Variants in RAB27B observed in about 807,000 individuals in gnomAD.
The protein encoded by RAB27B is RAB27B, member RAS oncogene family, also known as ras-related protein Rab-27B.
A neutral mutation model predicts 24.6 loss-of-function variants in RAB27B; 15 were observed. The observed-to-expected ratio is 0.61, with a 90% CI of 0.41 to 0.94. RAB27B has a LOEUF of 0.94. Ranked by LOEUF, RAB27B falls within the 40% of genes least tolerant of loss-of-function variation. The pLI, the probability that RAB27B is intolerant of heterozygous loss-of-function variation, is 0.00. For missense variants in RAB27B, 261 were observed against 266.8 expected (o/e 0.98, Z 0.15); for synonymous variants, 105 against 92.5 (o/e 1.14, Z -0.78).
chr18:54,892,970 C>A lies in RAB27B; in HGVS notation c.*3557C>A, dbSNP rs916435000. 1 of 151,940 alleles carries A rather than the reference C, an allele frequency of 6.6e-6. No individual in the cohort carries two copies. Among genetic ancestry groups the A allele is most frequent in the South Asian group, 2.1e-4 (1 of 4,826 alleles). The allele number at this position is 151,940 out of a possible 1,614,324, so 9.4% of individuals were successfully genotyped here. On this transcript the variant is annotated 3_prime_UTR_variant, in exon 6 of 6. Coordinates refer to ENST00000262094, the MANE Select transcript of RAB27B (RefSeq NM_004163.4). ...GAGTACATTAAAAATAATTTAATAGCCACAATATGATGTTCTTTAAGCTGC... is the reference window on the plus strand; with the variant it reads ...GAGTACATTAAAAATAATTTAATAGACACAATATGATGTTCTTTAAGCTGC...
intron 1 of RAB27B, among the ~76,000 whole-genome samples, chr18:54,870,502 T>C (rs1402715854): frequency 6.6e-6 from 1 of 152,122 alleles, no homozygotes; most frequent in Non-Finnish European, 1.5e-5. Context: ...AATAGAGGTA[T>C]TGGCCAGTGA....
chr18:54,751,551 T>C (rs1907831976), intron 2 of RAB27B, among the ~76,000 whole-genome samples: 1 of 152,134 alleles, frequency 6.6e-6, no homozygotes, highest in Non-Finnish European at 1.5e-5. Context: ...GTTGAAAAAC[T>C]CTTTTGAGTT....
chr18:54,783,505 GTGTA>G (rs1274355789), intron 2 of RAB27B, among the ~76,000 whole-genome samples: 3 of 151,652 alleles, frequency 2.0e-5, no homozygotes, highest in Non-Finnish European at 4.4e-5. Context: ...GTGTGTGTGT[GTGTA>G]TGTATAGCAT....
At chr18:54,845,983 G>T (rs569082942) in intron 1 of RAB27B, among the ~76,000 whole-genome samples, 1 of 152,288 alleles carries the variant, frequency 6.6e-6, no homozygotes, top group South Asian at 2.1e-4. Context: ...AAACAAGTTG[G>T]TGCTGTACAT....
In RAB27B at chr18:54,776,537, T is replaced by C. The variant is rs371507577; in HGVS notation, c.-20+58396T>C. Reference sequence around the variant, plus strand: ...AGGAGATTGCAAAACCAGCAGTGCGTAAAACAGACAACTTCTTTATCCTCA... The same window carrying C: ...AGGAGATTGCAAAACCAGCAGTGCGCAAAACAGACAACTTCTTTATCCTCA... On this transcript the variant is annotated intron_variant, in intron 2 of 4. Transcript: ENST00000586570. Among the ~76,000 whole-genome samples the C allele has an allele frequency of 1.4e-3, 216 of 152,302 alleles. 4 individuals carry two copies. The South Asian group carries it at 0.028, about 20-fold the overall frequency.
intron 2 of RAB27B, among the ~76,000 whole-genome samples, chr18:54,767,070 T>C (rs1908385857): frequency 6.6e-6 from 1 of 152,102 alleles, no homozygotes. Flanking sequence ...TCTAAACACA[T>C]AGGGAAGAAG....
chr18:54,820,357 T>G (rs1910266453), intron 2 of RAB27B, among the ~76,000 whole-genome samples: 2 of 152,222 alleles, frequency 1.3e-5, no homozygotes, highest in African/African-American at 4.8e-5. Context: ...GATTTGCATT[T>G]CTCTGATGGC....
At chr18:54,773,821 C>A (rs537679873) in intron 2 of RAB27B, among the ~76,000 whole-genome samples, 41 of 151,918 alleles carry the variant, frequency 2.7e-4, no homozygotes, top group Non-Finnish European at 1.5e-5. Context: ...ATTACAGGCA[C>A]CTGCCACCAG....
rs184472761 is a variant in RAB27B, at chr18:54,821,778, C to T, written c.-19-55789C>T. 1.8e-3 allele frequency among the ~76,000 whole-genome samples: 271 copies of T among 152,278 alleles called. 1 individual carries two copies. The highest frequency in any genetic ancestry group is 5.9e-3 in the African/African-American group (244 of 41,550). ...TGTTATTTTTATTTTTTTGAGATGG[C>T]GTTTCACGCTTGTCGCCCAGGCTGG... is the stretch of plus-strand genomic sequence containing the variant. On this transcript the variant is annotated intron_variant, in intron 2 of 4. Coordinates refer to the RAB27B transcript ENST00000586570.
At chr18:54,878,626 C>T (rs1013508639) in intron 2 of RAB27B, among the ~76,000 whole-genome samples, 4 of 152,148 alleles carry the variant, frequency 2.6e-5, no homozygotes, top group Admixed American at 6.5e-5. Flanking sequence ...GCCTTCTCTC[C>T]TTTCCAGTAT....
intron 1 of RAB27B, among the ~76,000 whole-genome samples, chr18:54,859,371 T>C (rs1309372040): frequency 2.0e-5 from 3 of 152,108 alleles, no homozygotes; most frequent in African/African-American, 7.2e-5. Context: ...AATGAAAAGT[T>C]GAGCAAAAGT....
intron 2 of RAB27B, among the ~76,000 whole-genome samples, chr18:54,816,793 T>G (rs1235352761): frequency 6.6e-6 from 1 of 152,220 alleles, no homozygotes; most frequent in Admixed American, 6.5e-5. Context: ...AAGGCATTTC[T>G]GTGATTTATT....
chr18:54,763,498 A>C (rs1908261207), intron 2 of RAB27B, among the ~76,000 whole-genome samples: 1 of 152,118 alleles, frequency 6.6e-6, no homozygotes, highest in South Asian at 2.1e-4. Flanking sequence ...TGGTAGGTGG[A>C]GATTATCAGT....
intron 2 of RAB27B, among the ~76,000 whole-genome samples, chr18:54,742,784 A>G (rs542790856): frequency 1.3e-5 from 2 of 152,314 alleles, no homozygotes; most frequent in African/African-American, 4.8e-5. Context: ...AAAAGCTTCC[A>G]GTTGCATAAC....
At chr18:54,846,111 C>T (rs8098080) in intron 1 of RAB27B, among the ~76,000 whole-genome samples, 145,921 of 152,274 alleles carry the variant, frequency 0.96, 70,271 homozygotes, top group East Asian at 1. Context: ...CCATGGTCAG[C>T]GCTTGAGGGA....
chr18:54,800,329 G>A (rs1909560857), intron 2 of RAB27B, among the ~76,000 whole-genome samples: 1 of 152,132 alleles, frequency 6.6e-6, no homozygotes, highest in Admixed American at 6.5e-5. Context: ...ATTTCCCTAA[G>A]ATAAATCCCT....
At chr18:54,835,523 C>A (rs1355622724) in intron 1 of RAB27B, among the ~76,000 whole-genome samples, 1 of 151,914 alleles carries the variant, frequency 6.6e-6, no homozygotes, top group African/African-American at 2.4e-5. Context: ...GAAGTAAACG[C>A]TTCTATTAGG....
intron 2 of RAB27B, among the ~76,000 whole-genome samples, chr18:54,739,568 GCTATGA>G (rs3063370): frequency 0.19 from 25,899 of 137,516 alleles, 2,501 homozygotes; most frequent in African/African-American, 0.27. Context: ...TTTTTTTGCT[GCTATGA>G]ATAAAGTTGC....
At chr18:54,872,230 A>G (rs1366135846) in intron 1 of RAB27B, among the ~76,000 whole-genome samples, 1 of 152,216 alleles carries the variant, frequency 6.6e-6, no homozygotes, top group Non-Finnish European at 1.5e-5. Flanking sequence ...CAAGTGCAGT[A>G]TCTCTGTGCT....
Sources: allele counts gnomAD v4.1 joint callset (sites outside exome capture counted in the v4.1 genomes callset), GRCh38; gene constraint gnomAD v4.1.1; transcripts MANE v1.5; gene names NCBI Gene and HGNC (gene_info 2026-07-23, HGNC 2026-07-21).